Variants in EXD3 observed in about 807,000 individuals in gnomAD.
The protein encoded by EXD3 is exonuclease mut-7 homolog.
A neutral mutation model predicts 98.0 loss-of-function variants in EXD3; 92 were observed. The observed-to-expected ratio is 0.94, with a 90% CI of 0.79 to 1.12. The LOEUF is 1.12. Ranked by LOEUF, EXD3 falls within the 50% of genes most tolerant of loss-of-function variation. The pLI is 0.00. For synonymous variants in EXD3, 569 were observed against 526.0 expected (o/e 1.08, Z -1.12); for missense variants, 1,222 against 1,191.6 (o/e 1.03, Z -0.38).
chr9:137,390,756 G>T (rs1588409496), intron 2 of EXD3, among the ~76,000 whole-genome samples: 1 of 152,204 alleles, frequency 6.6e-6, no homozygotes, highest in East Asian at 1.9e-4. Context: ...CCGCAGCCTT[G>T]GAGGCAGAGA....
chr9:137,366,561 G>A lies in EXD3; in HGVS notation c.588C>T (p.Leu196=), dbSNP rs775251927. The change falls in exon 7 of 22, where the codon CTC becomes CTT. Residue 196 remains leucine (L), a synonymous_variant. Transcript: ENST00000340951. ...VERYVAGFPD[L]QRRLLVLMDS... ...CCATGAGGACCAGCAGCCTCCTCTG[G>A]AGGTCCGGGAAGCCGGCCACATAGC... is the stretch of plus-strand genomic sequence containing the variant. 4 of 1,552,242 alleles carry A rather than the reference G, an allele frequency of 2.6e-6. No homozygotes were observed. The Admixed American group carries it at 7.8e-5, about 30-fold the overall frequency.
chr9:137,314,674 G>C (rs539409956), intron 19 of EXD3, among the ~76,000 whole-genome samples: 2 of 149,764 alleles, frequency 1.3e-5, no homozygotes, highest in Admixed American at 6.7e-5. Flanking sequence ...CCACCCAGCC[G>C]CTGCCCCGTC....
chr9:137,407,937 G>C lies in EXD3; in HGVS notation c.-47-12533C>G, dbSNP rs185045946. On this transcript the variant is annotated intron_variant, in intron 1 of 21. Transcript: ENST00000340951. The surrounding 1 kb of genome is among the most constrained non-coding windows in gnomAD (Gnocchi z 4.4). ...AGGCCCCGCAGCACACAAATGCGGAGCCTCAAGCCTCCAGGGGTTTTCCAG... is the reference window on the plus strand; with the variant it reads ...AGGCCCCGCAGCACACAAATGCGGACCCTCAAGCCTCCAGGGGTTTTCCAG... Among the ~76,000 whole-genome samples the C allele has an allele frequency of 1.3e-5, 2 of 151,430 alleles. No individual in the cohort carries two copies. Among genetic ancestry groups the C allele is most frequent in the African/African-American group, 4.8e-5 (2 of 41,532 alleles).
At chr9:137,409,847 G>A (rs928311999) in intron 1 of EXD3, among the ~76,000 whole-genome samples, 9 of 152,292 alleles carry the variant, frequency 5.9e-5, no homozygotes, top group African/African-American at 2.2e-4. Flanking sequence ...CTGATGGGGC[G>A]ACACCACTCA....
At position 137,383,361 on chromosome 9, in the gene EXD3, C is replaced by A; in HGVS notation, c.72G>T (p.Leu24=). The change falls in exon 3 of 22, where the codon CTG becomes CTT. Residue 24 remains leucine, a synonymous_variant. Transcript: ENST00000340951. ...ERHRMGRDPL[L]LLQALQTLWS... ...ACAGGGTCTGCAGGGCCTGCAGGAG[C>A]AGGAGGGGGTCCCGGCCTGTGGAGA... The A allele has an allele frequency of 1.3e-6, 2 of 1,550,582 alleles. No homozygotes were observed. Among genetic ancestry groups the A allele is most frequent in the Non-Finnish European group, 8.7e-7 (1 of 1,146,868 alleles).
chr9:137,421,045 G>A (rs1250668716), intron 1 of EXD3, among the ~76,000 whole-genome samples: 2 of 152,078 alleles, frequency 1.3e-5, no homozygotes, highest in Non-Finnish European at 2.9e-5. Flanking sequence ...CAAACTCCTG[G>A]GCTCAATGAA....
At chr9:137,311,794 C>T (rs1025380179) in intron 19 of EXD3, among the ~76,000 whole-genome samples, 4 of 152,220 alleles carry the variant, frequency 2.6e-5, no homozygotes, top group African/African-American at 9.6e-5. Flanking sequence ...CCTCCCTGTC[C>T]ATCTGTCCAC....
chr9:137,363,136 T>A (rs988440559), intron 7 of EXD3, among the ~76,000 whole-genome samples: 1 of 152,060 alleles, frequency 6.6e-6, no homozygotes, highest in Non-Finnish European at 1.5e-5. Flanking sequence ...TTCTTTAATA[T>A]GTTAGTTGAC....
chr9:137,314,479 T>G lies in EXD3; in HGVS notation c.2185-4779A>C, dbSNP rs1402752892. Among the ~76,000 whole-genome samples, 20 of 151,982 alleles carry G rather than the reference T, an allele frequency of 1.3e-4. 1 individual carries two copies. The highest frequency in any genetic ancestry group is 1.5e-5 in the Non-Finnish European group (1 of 67,960). ...CTTTTGGGAAGCTTTTAAAACCCAG[T>G]CTATCCCCGTGGAGCAAGCTGGTAG... On this transcript the variant is annotated intron_variant, in intron 19 of 21. Transcript: ENST00000340951.
In EXD3 at chr9:137,373,462, G is replaced by A. The variant is rs376173264; in HGVS notation, c.258C>T (p.Cys86=). 3.1e-6 allele frequency: 5 copies of A among 1,609,404 alleles called. No homozygotes were observed. The African/African-American group carries it at 6.7e-5, about 21-fold the overall frequency. The part of the protein sequence containing the change: ...LAAWISHQLQ[C]WLQAQPCPSL... Reference sequence around the variant, plus strand: ...TCGGGCATGGCTGTGCCTGTAGCCAGCACTGCAGCTGGTGGGAGATCCAGG... The same window carrying A: ...TCGGGCATGGCTGTGCCTGTAGCCAACACTGCAGCTGGTGGGAGATCCAGG... The change falls in exon 4 of 22, where the codon TGC becomes TGT. Residue 86 remains cysteine (C), a synonymous_variant. Transcript: ENST00000340951.
At chr9:137,382,633 G>A (rs1027260141) in intron 3 of EXD3, among the ~76,000 whole-genome samples, 2 of 152,088 alleles carry the variant, frequency 1.3e-5, no homozygotes, top group Non-Finnish European at 1.5e-5. Context: ...AGCAGGCAGC[G>A]CCAGGGCTGG....
At chr9:137,381,122 A>ACACACACG (rs1564193720) in intron 3 of EXD3, 10 of 147,064 alleles carry the variant, frequency 6.8e-5, no homozygotes, top group African/African-American at 2.5e-4. Flanking sequence ...ACACACACAC[A>ACACACACG]CGAAAAGCCT....
In EXD3 at chr9:137,356,376, G is replaced by T; in HGVS notation, c.657-8C>A. 3 of 1,550,774 alleles carry T rather than the reference G, an allele frequency of 1.9e-6. No homozygotes were observed. Among genetic ancestry groups the T allele is most frequent in the Non-Finnish European group, 2.6e-6 (3 of 1,133,382 alleles). ...GTCACCTCAGGGTACCGTCTGTGGG[G>T]AGAGAGAGGCACAGCCTCTGTTGCT... On this transcript the variant is annotated splice_polypyrimidine_tract_variant and splice_region_variant and intron_variant, in intron 7 of 21. Coordinates refer to ENST00000340951, the MANE Select transcript of EXD3 (RefSeq NM_017820.5).
chr9:137,406,813 C>G (rs1272992203), intron 1 of EXD3, among the ~76,000 whole-genome samples: 1 of 152,114 alleles, frequency 6.6e-6, no homozygotes, highest in Admixed American at 6.5e-5. Context: ...TCCCGACCCC[C>G]ACCCCAGGCC....
intron 7 of EXD3, among the ~76,000 whole-genome samples, chr9:137,362,422 CAATAG>C (rs950794589): frequency 1.3e-5 from 2 of 151,842 alleles, no homozygotes; most frequent in African/African-American, 4.8e-5. Context: ...GTGTTCATCT[CAATAG>C]AAAAGTCATT....
rs375877091 is a variant in EXD3, at chr9:137,354,342, C to T, written c.867G>A (p.Val289=). 1.2e-6 allele frequency: 2 copies of T among 1,612,386 alleles called. No individual in the cohort carries two copies. The highest frequency in any genetic ancestry group is 1.3e-5 in the African/African-American group (1 of 75,072). The change falls in exon 10 of 22, where the codon GTG becomes GTA. Residue 289 remains valine (V), a synonymous_variant. Coordinates refer to ENST00000340951, the MANE Select transcript of EXD3 (RefSeq NM_017820.5). The part of the protein sequence containing the change: ...SLSQENWTDH[V]QGLVGQSPWL... ...ACAGGCAAGGGCACGAACTCACCTG[C>T]ACATGGTCGGTCCAGTTCTCCTGTG...
At chr9:137,382,262 G>A (rs961002919) in intron 3 of EXD3, among the ~76,000 whole-genome samples, 1 of 151,074 alleles carries the variant, frequency 6.6e-6, no homozygotes, top group African/African-American at 2.5e-5. Flanking sequence ...GGCTGTCAGC[G>A]GAGCCCGGAG....
intron 17 of EXD3, among the ~76,000 whole-genome samples, chr9:137,342,434 G>C (rs2119186818): frequency 6.6e-6 from 1 of 152,162 alleles, no homozygotes; most frequent in South Asian, 2.1e-4. Flanking sequence ...CGTCTCCCAG[G>C]GGAGTCCTGT....
intron 3 of EXD3, among the ~76,000 whole-genome samples, chr9:137,381,944 A>AGGAGGAGGTGAGGGCGCAG (rs1836296613): frequency 7.1e-6 from 1 of 141,096 alleles, no homozygotes; most frequent in Non-Finnish European, 1.5e-5. Flanking sequence ...TGAGAGCACG[A>AGGAGGAGGTGAGGGCGCAG]GGAGGAGGTG....
Sources: gnomAD v4.1 joint callset for allele counts (sites outside exome capture counted in the v4.1 genomes callset) on GRCh38, gnomAD v4.1.1 for gene constraint, Gnocchi (gnomAD v3.1) non-coding constraint, MANE v1.5 for transcripts, NCBI Gene and HGNC (gene_info 2026-07-23, HGNC 2026-07-21) for gene names.